The following STAU1 variants were observed in gnomAD, a reference collection of about 807,000 sequenced individuals.
STAU1 encodes staufen double-stranded RNA binding protein 1.
STAU1 carries 13 observed loss-of-function variants against 62.9 expected under a neutral mutation model. The ratio of observed to expected loss-of-function variants is 0.21; its 90% confidence interval spans 0.13 to 0.33. The LOEUF (loss-of-function observed/expected upper bound fraction) is 0.33. Among genes scored for constraint, STAU1 ranks in the 10% least tolerant of loss-of-function variants. STAU1 has a pLI of 1.00. For synonymous variants in STAU1, 269 were observed against 265.1 expected (o/e 1.01, Z -0.14); for missense variants, 571 against 712.1 (o/e 0.80, Z 2.25).
chr20:49,181,913 A>C (rs2093731018), intron 1 of STAU1, among the ~76,000 whole-genome samples: 1 of 152,178 alleles, frequency 6.6e-6, no homozygotes, highest in South Asian at 2.1e-4. Flanking sequence ...ACATGACACA[A>C]AATTTCTATC....
At chr20:49,214,789 A>G in the STAU1 span, among the ~76,000 whole-genome samples, 1 of 152,178 alleles carries the variant, frequency 6.6e-6, no homozygotes, top group Non-Finnish European at 1.5e-5. Context: ...AATCAAGTTC[A>G]GCCTCATGAC....
intron 5 of STAU1, among the ~76,000 whole-genome samples, chr20:49,142,891 C>T (rs2093040583): frequency 6.6e-6 from 1 of 152,160 alleles, no homozygotes; most frequent in African/African-American, 2.4e-5. Context: ...CGGCCTTGAT[C>T]TCCCAGGCTC....
upstream of STAU1, among the ~76,000 whole-genome samples, chr20:49,189,243 C>G (rs552032366): frequency 4.2e-5 from 5 of 120,068 alleles, no homozygotes; most frequent in Non-Finnish European, 6.9e-5. Context: ...AAAAAAAAGA[C>G]GAGAAGTGCC....
chr20:49,180,309 G>A (rs2093707136), intron 1 of STAU1, among the ~76,000 whole-genome samples: 1 of 139,528 alleles, frequency 7.2e-6, no homozygotes. Context: ...CAACAACCTG[G>A]ACTACAGTTC....
intron 5 of STAU1, among the ~76,000 whole-genome samples, chr20:49,144,288 CT>C (rs3092773): frequency 0.85 from 128,060 of 150,670 alleles, 54,827 homozygotes; most frequent in African/African-American, 0.93. Flanking sequence ...GTCACACGTA[CT>C]TTTTTTTTTT....
intron 5 of STAU1, among the ~76,000 whole-genome samples, chr20:49,144,574 T>C (rs1165571928): frequency 6.6e-6 from 1 of 152,188 alleles, no homozygotes; most frequent in Non-Finnish European, 1.5e-5. Context: ...TTGTTAATCA[T>C]CAGAAATGTC....
chr20:49,199,133 G>C, the STAU1 span, among the ~76,000 whole-genome samples: 2 of 151,842 alleles, frequency 1.3e-5, no homozygotes, highest in African/African-American at 4.8e-5. Context: ...GCAACAGAGA[G>C]AGACTCCATC....
chr20:49,210,508 G>C, the STAU1 span: 15 of 455,686 alleles, frequency 3.3e-5, no homozygotes, highest in Admixed American at 1.2e-4. Flanking sequence ...TTCTGGTAGT[G>C]GTGGGGGAAA....
At chr20:49,193,301 C>T (rs2093833498), upstream of STAU1, among the ~76,000 whole-genome samples, 1 of 151,706 alleles carries the variant, frequency 6.6e-6, no homozygotes, top group Non-Finnish European at 1.5e-5. Context: ...CGCTTGAACC[C>T]AGGAAGTGGA....
the STAU1 span, among the ~76,000 whole-genome samples, chr20:49,215,779 G>A: frequency 6.6e-6 from 1 of 151,948 alleles, no homozygotes; most frequent in Non-Finnish European, 1.5e-5. Context: ...GGCTGAGGTG[G>A]GTGGATTGAT....
At chr20:49,158,365 T>C (rs1297339558) in intron 3 of STAU1, 4 of 1,049,202 alleles carry the variant, frequency 3.8e-6, no homozygotes, top group Admixed American at 5.1e-5. Flanking sequence ...ACAAATAATT[T>C]ACAAGGGAAA....
At chr20:49,124,754 T>C (rs2092552643) in intron 6 of STAU1, 167 bp from the exon 7 acceptor site, 1 of 706,590 alleles carries the variant, frequency 1.4e-6, no homozygotes, top group Non-Finnish European at 2.3e-6. Flanking sequence ...GCCTTTCTTC[T>C]TACTTCTCAA....
intron 6 of STAU1, among the ~76,000 whole-genome samples, chr20:49,126,827 G>T (rs965684501): frequency 1.3e-5 from 2 of 151,876 alleles, no homozygotes; most frequent in Non-Finnish European, 2.9e-5. Context: ...TAAAAAAATA[G>T]TACCAGAGCA....
chr20:49,120,882 C>A (rs569318010), intron 8 of STAU1, among the ~76,000 whole-genome samples: 2 of 152,222 alleles, frequency 1.3e-5, no homozygotes, highest in East Asian at 2.0e-4. Context: ...GCAACCTCCA[C>A]TTCCCAGGTT....
Position 49,114,563 on chromosome 20 carries a change from A to G in STAU1, c.*315T>C. The G allele has an allele frequency of 2.7e-6, 1 of 368,958 alleles. No homozygotes were observed. Among genetic ancestry groups the G allele is most frequent in the Non-Finnish European group, 4.9e-6 (1 of 202,526 alleles). The allele number at this position is 368,958 out of a possible 1,614,324, so 22.9% of individuals were successfully genotyped here. A position where few individuals can be genotyped will look rare whatever the true frequency, so the allele number is the denominator to read the frequency against. On this transcript the variant is annotated 3_prime_UTR_variant, in exon 14 of 14. Coordinates refer to ENST00000371856, the MANE Select transcript of STAU1 (RefSeq NM_017453.4). ...AGGGGAAAAAAAAGACCAAACACGGAGGTGCCCAGGGTGTGGATCTGCTGG... is the reference window on the plus strand; with the variant it reads ...AGGGGAAAAAAAAGACCAAACACGGGGGTGCCCAGGGTGTGGATCTGCTGG...
chr20:49,115,653 T>A, intron 13 of STAU1, 129 bp downstream of exon 13: 1 of 822,064 alleles, frequency 1.2e-6, no homozygotes, highest in Non-Finnish European at 2.0e-6. Flanking sequence ...TGGAAAACTT[T>A]CAGGCAAAAG....
Position 49,115,696 on chromosome 20 carries a change from G to A in STAU1, c.1718+86C>T, listed in dbSNP as rs1417631640. 4.1e-5 allele frequency: 48 copies of A among 1,168,610 alleles called. No individual in the cohort carries two copies. The South Asian group carries it at 4.3e-4, about 10-fold the overall frequency. The allele number at this position is 1,168,610 out of a possible 1,614,324, so 72.4% of individuals were successfully genotyped here. ...AAGTAACTCAGGCAAATATTTCCCC[G>A]CTGAGTCAGCAGATAGTGTAAACTC... On this transcript the variant is annotated intron_variant, in intron 13 of 13. Transcript: ENST00000371856.
intron 3 of STAU1, 104 bp from the exon 4 acceptor site, chr20:49,154,175 C>G (rs940111767): frequency 1.6e-6 from 2 of 1,263,800 alleles, no homozygotes; most frequent in African/African-American, 3.0e-5. Flanking sequence ...ATTCATGATA[C>G]TTTACATAAA....
the STAU1 span, among the ~76,000 whole-genome samples, chr20:49,206,764 T>A: frequency 4.2e-5 from 6 of 141,422 alleles, no homozygotes; most frequent in South Asian, 2.2e-4. Flanking sequence ...TTATTTTATT[T>A]TTTTTTTTTT....
Sources: allele counts gnomAD v4.1 joint callset (sites outside exome capture counted in the v4.1 genomes callset), GRCh38; gene constraint gnomAD v4.1.1; transcripts MANE v1.5; gene names NCBI Gene and HGNC (gene_info 2026-07-23, HGNC 2026-07-21).